Variants in SFMBT2 observed in about 807,000 individuals in gnomAD.
SFMBT2 encodes the protein Scm like with four mbt domains 2.
SFMBT2 carries 38 observed loss-of-function variants against 110.1 expected under a neutral mutation model. The observed-to-expected ratio is 0.35, with a 90% CI of 0.27 to 0.45. The LOEUF (loss-of-function observed/expected upper bound fraction) is 0.45, where lower values mean the gene tolerates loss of function less well. Ranked by LOEUF, SFMBT2 falls within the 20% of genes least tolerant of loss-of-function variation. The pLI is 1.00. For synonymous variants in SFMBT2, 425 were observed against 425.4 expected (o/e 1.00, Z 0.01); for missense variants, 1,011 against 1,094.9 (o/e 0.92, Z 1.08).
intron 15 of SFMBT2, chr10:7,189,190 CA>C (rs1838516376): frequency 1.0e-6 from 1 of 985,352 alleles, no homozygotes; most frequent in Non-Finnish European, 1.2e-6. Flanking sequence ...CACATGCTTG[CA>C]AGGAGGGTAA....
At chr10:7,297,117 T>C (rs1465082438) in intron 4 of SFMBT2, among the ~76,000 whole-genome samples, 1 of 152,172 alleles carries the variant, frequency 6.6e-6, no homozygotes, top group Non-Finnish European at 1.5e-5. Flanking sequence ...GTTACTTTTC[T>C]AAAGGTTCAG....
At chr10:7,232,605 T>C (rs1840136989) in intron 9 of SFMBT2, among the ~76,000 whole-genome samples, 1 of 152,176 alleles carries the variant, frequency 6.6e-6, no homozygotes, top group South Asian at 2.1e-4. Context: ...ACAGAATTAT[T>C]AGATTCATAT....
rs575615129 is a variant in SFMBT2 at position 7,301,561 on chromosome 10, T to A, written c.437-15607A>T. Among the ~76,000 whole-genome samples the A allele has an allele frequency of 5.9e-5, 9 of 152,020 alleles. No individual in the cohort carries two copies. Among genetic ancestry groups the A allele is most frequent in the Admixed American group, 1.3e-4 (2 of 15,272 alleles). ...TTTCCACTGAGACAGTGGGGGCAGG[T>A]CCCCGGGGCCGGCAAATTCGCGGAA... On this transcript the variant is annotated intron_variant, in intron 4 of 20. Coordinates refer to ENST00000397167, the MANE Select transcript of SFMBT2 (RefSeq NM_001387889.1). This position sits in a 1 kb window ranked among gnomAD's most constrained non-coding sequence, Gnocchi z 4.2.
intron 14 of SFMBT2, among the ~76,000 whole-genome samples, chr10:7,198,385 C>T (rs962853916): frequency 6.6e-6 from 1 of 152,238 alleles, no homozygotes; most frequent in African/African-American, 2.4e-5. Flanking sequence ...AAATCTTCTA[C>T]ACGTGGGCAA....
intron 4 of SFMBT2, among the ~76,000 whole-genome samples, chr10:7,336,328 T>C (rs1843716716): frequency 2.0e-5 from 3 of 152,304 alleles, no homozygotes; most frequent in Admixed American, 2.0e-4. Flanking sequence ...CCGCAAAATT[T>C]CTAGACTGGC....
At chr10:7,276,497 T>C (rs896796603) in intron 7 of SFMBT2, among the ~76,000 whole-genome samples, 2 of 90,694 alleles carry the variant, frequency 2.2e-5, no homozygotes, top group Non-Finnish European at 4.1e-5. Flanking sequence ...GTTAAGAAGG[T>C]GCCTTTTCAA....
At chr10:7,267,692 C>T (rs1392672437) in intron 7 of SFMBT2, among the ~76,000 whole-genome samples, 2 of 152,328 alleles carry the variant, frequency 1.3e-5, no homozygotes, top group South Asian at 2.1e-4. Flanking sequence ...TAATTCCCTG[C>T]ACTCTAAGGC....
chr10:7,378,812 G>A (rs1425042650), intron 2 of SFMBT2, among the ~76,000 whole-genome samples: 5 of 151,184 alleles, frequency 3.3e-5, no homozygotes, highest in South Asian at 2.1e-4. Context: ...TGGGGTGGGC[G>A]TGAGTGTGGG....
At chr10:7,311,488 C>G (rs1177071146) in intron 4 of SFMBT2, among the ~76,000 whole-genome samples, 1 of 152,204 alleles carries the variant, frequency 6.6e-6, no homozygotes, top group African/African-American at 2.4e-5. Flanking sequence ...CATCCTCCAT[C>G]GTCATCCAAG....
rs143076812 is a variant in SFMBT2, at chr10:7,314,277, T to C, written c.437-28323A>G. Among the ~76,000 whole-genome samples, 1,025 of 152,374 alleles carry C rather than the reference T, an allele frequency of 6.7e-3. 6 individuals carry two copies. Among genetic ancestry groups the C allele is most frequent in the African/African-American group, 0.022 (934 of 41,598 alleles). On this transcript the variant is annotated intron_variant, in intron 4 of 20. Transcript: ENST00000397167. ...AAAATGGGACACCAAACAGTTTTAG[T>C]TGTTTCCACTTGCTGCCTCGCAAAA...
chr10:7,173,488 C>T lies in SFMBT2; in HGVS notation c.1985-827G>A, dbSNP rs544308759. ...AGCACTTTTCCTCTTCTCAGAGTTC[C>T]TTCTCTATTACATCATTGTATACTT... On this transcript the variant is annotated intron_variant, in intron 17 of 20. Coordinates refer to ENST00000397167, the MANE Select transcript of SFMBT2 (RefSeq NM_001387889.1). Among the ~76,000 whole-genome samples the T allele has an allele frequency of 2.3e-3, 347 of 152,318 alleles. 2 individuals carry two copies. The highest frequency in any genetic ancestry group is 7.8e-3 in the African/African-American group (326 of 41,560).
In SFMBT2 at chr10:7,284,006, C is replaced by G; in HGVS notation, c.670G>C (p.Glu224Gln). The G allele has an allele frequency of 6.2e-7, 1 of 1,612,708 alleles. No homozygotes were observed. The highest frequency in any genetic ancestry group is 8.5e-7 in the Non-Finnish European group (1 of 1,178,686). ...CACTGGTCATAGGATTCAGTGTCCT[C>G]CAATCCCACATAGCGAAGGCGTAAT... ...GRLRLRYVGL[E>Q]DTESYDQWLF... is the part of the protein sequence containing the mutation. The change falls in exon 6 of 21, where the codon GAG becomes CAG. Residue 224 changes from glutamate (E) to glutamine (Q), a missense_variant. Coordinates refer to ENST00000397167, the MANE Select transcript of SFMBT2 (RefSeq NM_001387889.1).
intron 4 of SFMBT2, among the ~76,000 whole-genome samples, chr10:7,361,921 A>G (rs1844731671): frequency 1.3e-5 from 2 of 152,208 alleles, no homozygotes; most frequent in Admixed American, 6.5e-5. Context: ...AGCCCCAGAC[A>G]TTAAGAGGTA....
chr10:7,306,541 A>T (rs993123422), intron 4 of SFMBT2, among the ~76,000 whole-genome samples: 4 of 152,194 alleles, frequency 2.6e-5, no homozygotes, highest in African/African-American at 9.7e-5. Flanking sequence ...TTACAGAAAA[A>T]GTTCGCTAAC....
chr10:7,279,213 G>A (rs1841872391), intron 6 of SFMBT2, among the ~76,000 whole-genome samples: 1 of 152,160 alleles, frequency 6.6e-6, no homozygotes, highest in African/African-American at 2.4e-5. Flanking sequence ...GGGGTTGCCT[G>A]CACGCTGGCC....
At chr10:7,176,189 A>T (rs767406438) in intron 16 of SFMBT2, 24 bp from the exon 17 acceptor site, 2 of 1,612,128 alleles carry the variant, frequency 1.2e-6, no homozygotes, top group East Asian at 4.5e-5. Flanking sequence ...GGGGAAGAAA[A>T]GCGAGGGCAA....
intron 4 of SFMBT2, among the ~76,000 whole-genome samples, chr10:7,334,060 C>G (rs1005010544): frequency 1.1e-4 from 17 of 152,206 alleles, no homozygotes; most frequent in African/African-American, 3.6e-4. Context: ...ACCGGATGTG[C>G]TACGCGACGG....
chr10:7,219,457 A>ATT (rs1397034855), intron 11 of SFMBT2, among the ~76,000 whole-genome samples: 1 of 152,220 alleles, frequency 6.6e-6, no homozygotes, highest in Non-Finnish European at 1.5e-5. Context: ...CCTGGACTAC[A>ATT]TATGTATGAG....
intron 11 of SFMBT2, chr10:7,214,817 C>CT (rs1329877345): frequency 1.1e-6 from 1 of 930,210 alleles, no homozygotes; most frequent in Non-Finnish European, 1.3e-6. Context: ...CACAAAAACA[C>CT]TAACTGCAGA....
Sources: allele counts gnomAD v4.1 joint callset (sites outside exome capture counted in the v4.1 genomes callset), GRCh38; gene constraint gnomAD v4.1.1; non-coding constraint Gnocchi (gnomAD v3.1); transcripts MANE v1.5; gene names NCBI Gene and HGNC (gene_info 2026-07-23, HGNC 2026-07-21).